SFMBT2: variants seen among roughly 807,000 people sequenced by gnomAD.
The protein encoded by SFMBT2 is scm-like with four MBT domains protein 2.
Under a neutral mutation model 110.1 loss-of-function variants are expected in SFMBT2, and 38 were observed. The ratio of observed to expected loss-of-function variants is 0.35; its 90% confidence interval spans 0.27 to 0.45. The LOEUF (loss-of-function observed/expected upper bound fraction) is 0.45, where lower values mean the gene tolerates loss of function less well. Ranked by LOEUF, SFMBT2 falls within the 20% of genes least tolerant of loss-of-function variation. The pLI is 1.00. For missense variants in SFMBT2, 1,011 were observed against 1,094.9 expected, an observed-to-expected ratio of 0.92 and a Z score of 1.08; for synonymous variants, 425 against 425.4, an observed-to-expected ratio of 1.00 and a Z score of 0.01.
chr10:7,369,240 TAAGA>T (rs1255996987), intron 3 of SFMBT2, among the ~76,000 whole-genome samples: 1 of 152,228 alleles, frequency 6.6e-6, no homozygotes, highest in African/African-American at 2.4e-5. Context: ...AAGAACAGGT[TAAGA>T]AAGTGCCCCG....
At chr10:7,325,519 C>T (rs1314873107) in intron 4 of SFMBT2, among the ~76,000 whole-genome samples, 1 of 152,182 alleles carries the variant, frequency 6.6e-6, no homozygotes, top group African/African-American at 2.4e-5. Context: ...GACTTCTCTT[C>T]TTCTAAATAC....
At chr10:7,351,206 A>T (rs1433904145) in intron 4 of SFMBT2, among the ~76,000 whole-genome samples, 1 of 152,236 alleles carries the variant, frequency 6.6e-6, no homozygotes, top group African/African-American at 2.4e-5. Context: ...CACATACACT[A>T]GTACTAATTA....
intron 16 of SFMBT2, among the ~76,000 whole-genome samples, chr10:7,184,672 C>T (rs1838343192): frequency 6.6e-6 from 1 of 152,068 alleles, no homozygotes; most frequent in South Asian, 2.1e-4. Flanking sequence ...AGCAGAATGT[C>T]ACTATGGTCT....
chr10:7,272,540 A>T (rs909936926), intron 7 of SFMBT2, among the ~76,000 whole-genome samples: 1 of 152,194 alleles, frequency 6.6e-6, no homozygotes, highest in South Asian at 2.1e-4. Context: ...GACGCCCCCC[A>T]CAGCCTCCCT....
intron 1 of SFMBT2, among the ~76,000 whole-genome samples, chr10:7,391,003 G>A (rs1197786639): frequency 1.3e-5 from 2 of 152,062 alleles, no homozygotes; most frequent in Non-Finnish European, 2.9e-5. Flanking sequence ...GAGAGGCTGA[G>A]GCAGGAGAAT....
At chr10:7,192,785 A>G (rs1838639237) in intron 15 of SFMBT2, among the ~76,000 whole-genome samples, 1 of 152,070 alleles carries the variant, frequency 6.6e-6, no homozygotes, top group African/African-American at 2.4e-5. Flanking sequence ...TCACATCACT[A>G]TTTGCAGTGG....
At chr10:7,248,493 G>A (rs911642836) in intron 8 of SFMBT2, 55 bp downstream of exon 8, 6 of 1,433,358 alleles carry the variant, frequency 4.2e-6, no homozygotes, top group Non-Finnish European at 2.0e-6. Flanking sequence ...GAGTTGAAAG[G>A]CTTAATTTGA....
At chr10:7,273,594 G>C (rs1242938878) in intron 7 of SFMBT2, among the ~76,000 whole-genome samples, 28 of 152,276 alleles carry the variant, frequency 1.8e-4, no homozygotes, top group Non-Finnish European at 1.5e-5. Flanking sequence ...AATTACATTA[G>C]GTGTATCTCC....
chr10:7,309,925 GTTT>G lies in SFMBT2; in HGVS notation c.437-23974_437-23972del, dbSNP rs577361641. ...AGAGATGGCTCCAGTCTAGACCAGG[GTTT>G]TTTAATAGTATCAGCACTATTGACA... On this transcript the variant is annotated intron_variant, in intron 4 of 20. Coordinates refer to ENST00000397167, the MANE Select transcript of SFMBT2 (RefSeq NM_001387889.1). Among the ~76,000 whole-genome samples, 409 of 152,234 alleles carry G rather than the reference GTTT, an allele frequency of 2.7e-3. 1 individual carries two copies. The highest frequency in any genetic ancestry group is 9.4e-3 in the African/African-American group (392 of 41,532).
intron 20 of SFMBT2, among the ~76,000 whole-genome samples, chr10:7,167,589 G>A (rs557160861): frequency 4.6e-5 from 7 of 152,192 alleles, no homozygotes; most frequent in African/African-American, 1.4e-4. Context: ...CAATGCCTGC[G>A]GTGACCTACC....
chr10:7,219,585 G>T, intron 11 of SFMBT2: 1 of 199,928 alleles, frequency 5.0e-6, no homozygotes, highest in Non-Finnish European at 9.0e-6. Context: ...TTCCAATCAT[G>T]GTATTGAGTA....
intron 2 of SFMBT2, among the ~76,000 whole-genome samples, chr10:7,378,595 T>C (rs924838025): frequency 1.6e-5 from 2 of 125,124 alleles, no homozygotes; most frequent in Non-Finnish European, 3.3e-5. Flanking sequence ...TGTGTATGGC[T>C]GTGGGGTGGG....
Position 7,228,742 on chromosome 10 carries a change from C to CCTT in SFMBT2, c.1121-806_1121-805insAAG, listed in dbSNP as rs1840012708. Among the ~76,000 whole-genome samples, 12 of 36,950 alleles carry CCTT rather than the reference C, an allele frequency of 3.2e-4. No homozygotes were observed. The East Asian group carries it at 3.3e-3, about 10-fold the overall frequency. 24.2% of individuals were successfully genotyped at this position (36,950 alleles called of 152,430 possible). On this transcript the variant is annotated intron_variant, in intron 9 of 20. Coordinates refer to ENST00000397167, the MANE Select transcript of SFMBT2 (RefSeq NM_001387889.1). The stretch of plus-strand genomic sequence containing the variant: ...TTCTTTCTTTCTTTCTTTCCTTTCT[C>CCTT]TCTCTCTCTCTCTCTCTCTCTCTCT...
intron 7 of SFMBT2, among the ~76,000 whole-genome samples, chr10:7,250,550 T>C (rs12261517): frequency 0.017 from 2,656 of 152,308 alleles, 69 homozygotes; most frequent in African/African-American, 0.061. Flanking sequence ...AATGAATGTG[T>C]GAGTGCTTGT....
At chr10:7,182,431 A>G (rs1588773815) in intron 16 of SFMBT2, among the ~76,000 whole-genome samples, 1 of 152,212 alleles carries the variant, frequency 6.6e-6, no homozygotes, top group Non-Finnish European at 1.5e-5. Flanking sequence ...TACCAATGAC[A>G]TAACTTTGTA....
At chr10:7,314,929 G>C (rs1842943478) in intron 4 of SFMBT2, among the ~76,000 whole-genome samples, 1 of 149,896 alleles carries the variant, frequency 6.7e-6, no homozygotes, top group Non-Finnish European at 1.5e-5. Flanking sequence ...AACAGAAAGA[G>C]AGAGAGAGAG....
chr10:7,187,260 TAAG>T (rs1838445675), intron 16 of SFMBT2, among the ~76,000 whole-genome samples: 1 of 152,206 alleles, frequency 6.6e-6, no homozygotes, highest in East Asian at 1.9e-4. Flanking sequence ...AGTTTTAAAA[TAAG>T]AAGGATTTCT....
intron 4 of SFMBT2, among the ~76,000 whole-genome samples, chr10:7,291,844 GGAA>G (rs1037010606): frequency 6.6e-6 from 1 of 152,280 alleles, no homozygotes; most frequent in Non-Finnish European, 1.5e-5. Flanking sequence ...CGGCAGGGGT[GGAA>G]GAAGGAGAGA....
At chr10:7,291,796 G>T (rs1195816539) in intron 4 of SFMBT2, among the ~76,000 whole-genome samples, 1 of 152,202 alleles carries the variant, frequency 6.6e-6, no homozygotes, top group Non-Finnish European at 1.5e-5. Context: ...ATGAGGCAGA[G>T]GGATAAATAT....
Sources: allele counts gnomAD v4.1 joint callset (sites outside exome capture counted in the v4.1 genomes callset), GRCh38; gene constraint gnomAD v4.1.1; transcripts MANE v1.5; gene names NCBI Gene and HGNC (gene_info 2026-07-23, HGNC 2026-07-21).